The following PPARGC1A variants were observed in gnomAD, a reference collection of about 807,000 sequenced individuals.
PPARGC1A encodes PPARG coactivator 1 alpha.
Under a neutral mutation model 88.7 loss-of-function variants are expected in PPARGC1A, and 25 were observed. The ratio of observed to expected loss-of-function variants is 0.28; its 90% confidence interval spans 0.21 to 0.39. The LOEUF (loss-of-function observed/expected upper bound fraction) is 0.39. Among genes scored for constraint, PPARGC1A ranks in the 10% least tolerant of loss-of-function variants. PPARGC1A has a pLI of 1.00. For synonymous variants in PPARGC1A, 363 were observed against 355.6 expected (o/e 1.02, Z -0.24); for missense variants, 880 against 968.7 (o/e 0.91, Z 1.22).
the PPARGC1A span, among the ~76,000 whole-genome samples, chr4:23,922,018 A>G: frequency 2.6e-5 from 4 of 152,232 alleles, no homozygotes; most frequent in Non-Finnish European, 4.4e-5. Flanking sequence ...CACAATGTTC[A>G]TAAAATATTA....
the PPARGC1A span, among the ~76,000 whole-genome samples, chr4:24,141,346 A>G: frequency 2.0e-5 from 3 of 152,224 alleles, no homozygotes; most frequent in Non-Finnish European, 4.4e-5. Context: ...AGTAGCAGCT[A>G]CACAGTGGAC....
the PPARGC1A span, among the ~76,000 whole-genome samples, chr4:24,418,563 C>G: frequency 6.6e-6 from 1 of 151,828 alleles, no homozygotes; most frequent in Non-Finnish European, 1.5e-5. Context: ...AGACCTAATT[C>G]TAATTAGAGC....
At chr4:23,816,758 A>C (rs920170620) in intron 7 of PPARGC1A, among the ~76,000 whole-genome samples, 3 of 152,198 alleles carry the variant, frequency 2.0e-5, no homozygotes, top group Non-Finnish European at 2.9e-5. Context: ...CTTCTTTAGT[A>C]ATTTACTGTC....
the PPARGC1A span, among the ~76,000 whole-genome samples, chr4:24,258,544 A>G: frequency 6.6e-6 from 1 of 152,216 alleles, no homozygotes; most frequent in Non-Finnish European, 1.5e-5. Context: ...TTATGAGCCC[A>G]GACACCAATA....
chr4:23,935,730 G>C, the PPARGC1A span, among the ~76,000 whole-genome samples: 1 of 152,162 alleles, frequency 6.6e-6, no homozygotes, highest in Non-Finnish European at 1.5e-5. Context: ...GAAAGTTTAA[G>C]TGATTTGCCT....
At chr4:24,323,481 T>C in the PPARGC1A span, among the ~76,000 whole-genome samples, 1 of 152,238 alleles carries the variant, frequency 6.6e-6, no homozygotes, top group Non-Finnish European at 1.5e-5. Context: ...TTCCTTCTCC[T>C]GGCTCAGAAG....
At chr4:23,835,481 T>C (rs1175851237) in intron 2 of PPARGC1A, among the ~76,000 whole-genome samples, 1 of 150,702 alleles carries the variant, frequency 6.6e-6, no homozygotes, top group Non-Finnish European at 1.5e-5. Context: ...TGTGTGTGTG[T>C]GTGTGTGTGT....
the PPARGC1A span, among the ~76,000 whole-genome samples, chr4:24,434,573 T>A: frequency 6.6e-6 from 1 of 152,100 alleles, no homozygotes; most frequent in Non-Finnish European, 1.5e-5. Flanking sequence ...GGTCTCAGGG[T>A]GGGGCCCCTG....
the PPARGC1A span, among the ~76,000 whole-genome samples, chr4:24,049,205 CATAT>C: frequency 3.3e-4 from 3 of 9,012 alleles, no homozygotes; most frequent in Non-Finnish European, 2.4e-3. Flanking sequence ...TATATACACA[CATAT>C]ATATAAATAT....
At chr4:24,098,695 G>T in the PPARGC1A span, among the ~76,000 whole-genome samples, 1 of 152,278 alleles carries the variant, frequency 6.6e-6, no homozygotes, top group East Asian at 1.9e-4. Context: ...ATTACTGCAT[G>T]GCATTACTAT....
the PPARGC1A span, among the ~76,000 whole-genome samples, chr4:24,238,242 C>T: frequency 1.3e-5 from 2 of 152,188 alleles, no homozygotes; most frequent in African/African-American, 2.4e-5. Context: ...CTACCATGAA[C>T]TGCCTTTATA....
At chr4:24,183,966 A>G in the PPARGC1A span, among the ~76,000 whole-genome samples, 2 of 152,232 alleles carry the variant, frequency 1.3e-5, no homozygotes, top group Non-Finnish European at 2.9e-5. Flanking sequence ...AAAGTAAAAC[A>G]AAGCTGCTGA....
chr4:23,845,909 C>G (rs914680550), intron 2 of PPARGC1A, among the ~76,000 whole-genome samples: 1 of 152,144 alleles, frequency 6.6e-6, no homozygotes, highest in Non-Finnish European at 1.5e-5. Context: ...TGTGAAGAAT[C>G]TTTAAATACT....
chr4:24,436,587 G>T, the PPARGC1A span, among the ~76,000 whole-genome samples: 1 of 149,554 alleles, frequency 6.7e-6, no homozygotes, highest in Non-Finnish European at 1.5e-5. Flanking sequence ...CAGAGCCCGG[G>T]TCACAGAGCT....
chr4:23,951,841 A>G, the PPARGC1A span, among the ~76,000 whole-genome samples: 1 of 152,266 alleles, frequency 6.6e-6, no homozygotes, highest in Non-Finnish European at 1.5e-5. Flanking sequence ...ACGTTTCAGG[A>G]GTCTAATGAT....
intron 10 of PPARGC1A, among the ~76,000 whole-genome samples, chr4:23,806,747 A>G (rs1387051768): frequency 6.6e-6 from 1 of 152,200 alleles, no homozygotes; most frequent in African/African-American, 2.4e-5. Flanking sequence ...CTGACTTCAC[A>G]TTACTAAAAT....
the PPARGC1A span, among the ~76,000 whole-genome samples, chr4:24,251,029 T>C: frequency 2.6e-5 from 4 of 152,372 alleles, no homozygotes; most frequent in East Asian, 7.7e-4. Context: ...TTATTCATTG[T>C]ATATGATTTA....
the PPARGC1A span, among the ~76,000 whole-genome samples, chr4:23,910,316 T>TTG: frequency 1.5e-5 from 1 of 65,944 alleles, no homozygotes; most frequent in African/African-American, 6.8e-5. Flanking sequence ...ATATATAATA[T>TTG]TATATATATT....
chr4:24,198,222 C>A, the PPARGC1A span, among the ~76,000 whole-genome samples: 108,829 of 152,074 alleles, frequency 0.72, 41,024 homozygotes, highest in Middle Eastern at 0.89. Flanking sequence ...TAAATTGGAA[C>A]CTCTAAATAA....
Sources: allele counts gnomAD v4.1 joint callset (sites outside exome capture counted in the v4.1 genomes callset), GRCh38; gene constraint gnomAD v4.1.1; transcripts MANE v1.5; gene names NCBI Gene and HGNC (gene_info 2026-07-23, HGNC 2026-07-21).